Variants in KCNU1 observed in about 807,000 individuals in gnomAD.
KCNU1 encodes the protein potassium calcium-activated channel subfamily U member 1.
Under a neutral mutation model 126.8 loss-of-function variants are expected in KCNU1, and 93 were observed. The observed-to-expected ratio is 0.73, with a 90% CI of 0.62 to 0.87. The LOEUF (loss-of-function observed/expected upper bound fraction) is 0.87. Ranked by LOEUF, KCNU1 falls within the 40% of genes least tolerant of loss-of-function variation. The probability of loss-of-function intolerance (pLI) is 0.00; values close to 1 mark genes in which losing one functional copy is unlikely to be tolerated. For synonymous variants in KCNU1, 523 were observed against 494.2 expected (o/e 1.06, Z -0.77); for missense variants, 1,330 against 1,367.1 (o/e 0.97, Z 0.43).
intron 10 of KCNU1, among the ~76,000 whole-genome samples, chr8:36,827,839 G>A (rs1284935647): frequency 6.6e-6 from 1 of 152,100 alleles, no homozygotes; most frequent in Non-Finnish European, 1.5e-5. Flanking sequence ...GATAGTGGGA[G>A]TGAAAATAAA....
rs527317511 is a variant in KCNU1 at position 36,928,031 on chromosome 8, G to A, written c.2737-2920G>A. Among the ~76,000 whole-genome samples, 237 of 150,664 alleles carry A rather than the reference G, an allele frequency of 1.6e-3. 1 individual carries two copies. The highest frequency in any genetic ancestry group is 2.6e-3 in the Non-Finnish European group (179 of 67,606). On this transcript the variant is annotated intron_variant, in intron 24 of 26. Coordinates refer to ENST00000399881, the MANE Select transcript of KCNU1 (RefSeq NM_001031836.3). ...GGGAGGGAGGGAAGGAGGGAGGGAC[G>A]GAGGGAGGGAAAGGGAAGGGAAGAT...
At chr8:36,900,861 C>A (rs1157690743) in intron 19 of KCNU1, among the ~76,000 whole-genome samples, 2 of 152,048 alleles carry the variant, frequency 1.3e-5, no homozygotes, top group Non-Finnish European at 1.5e-5. Context: ...CACACAAATG[C>A]TTTTCCCTCC....
At chr8:36,849,129 C>T in intron 18 of KCNU1, among the ~76,000 whole-genome samples, 1 of 152,106 alleles carries the variant, frequency 6.6e-6, no homozygotes, top group African/African-American at 2.4e-5. Flanking sequence ...TTCTCCTCAA[C>T]CCACAGCCCT....
Position 36,890,932 on chromosome 8 carries a change from C to CT in KCNU1, c.2010-14775dup, listed in dbSNP as rs1337661387. On this transcript the variant is annotated intron_variant, in intron 19 of 26. Coordinates refer to ENST00000399881, the MANE Select transcript of KCNU1 (RefSeq NM_001031836.3). ...TATTTTCCATCCTTTTACTTTCAAC[C>CT]TATTTTTGCTTTGAATCTAAATTGT... Among the ~76,000 whole-genome samples, 21 of 151,844 alleles carry CT rather than the reference C, an allele frequency of 1.4e-4. 2 individuals carry two copies. In the South Asian group the frequency reaches 4.4e-3, roughly 32 times the overall value.
chr8:36,922,545 C>G lies in KCNU1; in HGVS notation c.2652C>G (p.Leu884=), dbSNP rs2117587395. ...IEQLGGLEGS[L]QETNLHLSTA... ...AGCTTGGTGGACTGGAAGGGTCCCT[C>G]CAAGAAACAAATCTGCATCTCAGCA... The change falls in exon 24 of 27, where the codon CTC becomes CTG. Residue 884 remains leucine (L), a synonymous_variant. Coordinates refer to ENST00000399881, the MANE Select transcript of KCNU1 (RefSeq NM_001031836.3). 6.2e-7 allele frequency: 1 copy of G among 1,613,682 alleles called. No homozygotes were observed. The highest frequency in any genetic ancestry group is 2.2e-5 in the East Asian group (1 of 44,814).
chr8:36,844,917 C>G (rs1805088311), intron 16 of KCNU1, among the ~76,000 whole-genome samples: 2 of 152,150 alleles, frequency 1.3e-5, no homozygotes, highest in African/African-American at 4.8e-5. Flanking sequence ...AAAGCCATAG[C>G]AGAGTACTGC....
chr8:36,804,290 A>T (rs543888960), intron 3 of KCNU1, among the ~76,000 whole-genome samples: 3 of 152,246 alleles, frequency 2.0e-5, no homozygotes, highest in African/African-American at 7.2e-5. Flanking sequence ...GTTTCCTTGT[A>T]TCCTGCCACT....
intron 16 of KCNU1, among the ~76,000 whole-genome samples, chr8:36,843,479 C>T (rs1473181852): frequency 6.6e-6 from 1 of 152,142 alleles, no homozygotes; most frequent in African/African-American, 2.4e-5. Flanking sequence ...GAGATAGGTA[C>T]TATTATTAGT....
At chr8:36,827,486 T>C (rs1429497106) in intron 10 of KCNU1, among the ~76,000 whole-genome samples, 1 of 152,186 alleles carries the variant, frequency 6.6e-6, no homozygotes, top group Non-Finnish European at 1.5e-5. Flanking sequence ...AAAATTGGAC[T>C]CAACTCCCGA....
intron 19 of KCNU1, among the ~76,000 whole-genome samples, chr8:36,886,763 T>C (rs1247263208): frequency 6.6e-6 from 1 of 152,174 alleles, no homozygotes; most frequent in Non-Finnish European, 1.5e-5. Flanking sequence ...GTATGCATTG[T>C]ACCCAATATG....
intron 19 of KCNU1, among the ~76,000 whole-genome samples, chr8:36,867,127 G>A (rs1805939440): frequency 1.3e-5 from 2 of 152,164 alleles, no homozygotes; most frequent in South Asian, 2.1e-4. Flanking sequence ...CATAATAAAA[G>A]CCAATCAGTT....
chr8:36,897,476 A>G (rs1209390066), intron 19 of KCNU1, among the ~76,000 whole-genome samples: 3 of 152,182 alleles, frequency 2.0e-5, no homozygotes, highest in South Asian at 4.1e-4. Context: ...CTTAGCTTCA[A>G]GGAATCCAAA....
At chr8:36,905,132 G>T (rs184407957) in intron 19 of KCNU1, among the ~76,000 whole-genome samples, 14 of 152,178 alleles carry the variant, frequency 9.2e-5, no homozygotes, top group Middle Eastern at 6.8e-3. Flanking sequence ...GTGACCATGG[G>T]GATGACATTG....
intron 26 of KCNU1, among the ~76,000 whole-genome samples, chr8:36,935,110 T>A (rs2117626127): frequency 6.6e-6 from 1 of 152,200 alleles, no homozygotes; most frequent in Non-Finnish European, 1.5e-5. Context: ...GCCAGCTGAA[T>A]TCATGAGTAT....
intron 19 of KCNU1, among the ~76,000 whole-genome samples, chr8:36,867,975 C>G (rs1330401392): frequency 1.3e-5 from 2 of 152,140 alleles, no homozygotes; most frequent in Non-Finnish European, 2.9e-5. Context: ...ATTGCTAAAG[C>G]TGATGATTAA....
chr8:36,910,835 A>C (rs1807841657), intron 21 of KCNU1, 95 bp from the exon 22 acceptor site: 6 of 858,248 alleles, frequency 7.0e-6, no homozygotes, highest in Admixed American at 5.0e-5. Context: ...CTCAAAGCTC[A>C]AAAATTACAT....
At chr8:36,812,121 G>A (rs1052512380) in intron 7 of KCNU1, among the ~76,000 whole-genome samples, 1 of 150,156 alleles carries the variant, frequency 6.7e-6, no homozygotes, top group African/African-American at 2.4e-5. Flanking sequence ...GCTCATGCCT[G>A]TAATCCCAGC....
intron 10 of KCNU1, among the ~76,000 whole-genome samples, chr8:36,828,353 A>C (rs1804400739): frequency 6.6e-6 from 1 of 152,112 alleles, no homozygotes; most frequent in Admixed American, 6.6e-5. Context: ...TTAGGACAAT[A>C]ATCTATATTT....
intron 7 of KCNU1, among the ~76,000 whole-genome samples, chr8:36,810,706 A>G (rs909103602): frequency 7.2e-5 from 11 of 152,314 alleles, no homozygotes; most frequent in African/African-American, 2.6e-4. Context: ...AGGAATCAAT[A>G]TGGCACCTGT....
Sources: gnomAD v4.1 joint callset for allele counts (sites outside exome capture counted in the v4.1 genomes callset) on GRCh38, gnomAD v4.1.1 for gene constraint, MANE v1.5 for transcripts, NCBI Gene and HGNC (gene_info 2026-07-23, HGNC 2026-07-21) for gene names.